Variants in TPTE2 observed in about 807,000 individuals in gnomAD.
TPTE2 encodes the protein transmembrane phosphoinositide 3-phosphatase and tensin homolog 2.
A neutral mutation model predicts 78.6 loss-of-function variants in TPTE2; 53 were observed. That is an observed-to-expected ratio of 0.67 (90% CI 0.54 to 0.85). The LOEUF (loss-of-function observed/expected upper bound fraction) is 0.85. Ranked by LOEUF, TPTE2 falls within the 40% of genes least tolerant of loss-of-function variation. The pLI is 0.00. For synonymous variants in TPTE2, 175 were observed against 206.2 expected, an observed-to-expected ratio of 0.85 and a Z score of 1.30; for missense variants, 461 against 623.0, an observed-to-expected ratio of 0.74 and a Z score of 2.77.
chr13:19,431,362 A>T (rs1876588915), intron 16 of TPTE2, among the ~76,000 whole-genome samples: 1 of 152,070 alleles, frequency 6.6e-6, no homozygotes, highest in South Asian at 2.1e-4. Context: ...TTTACAGACA[A>T]AGGCTCTTCT....
At chr13:19,473,785 G>T in intron 6 of TPTE2, 129 bp downstream of exon 9, 2 of 762,584 alleles carry the variant, frequency 2.6e-6, no homozygotes, top group African/African-American at 1.9e-5. Context: ...TAATAGAGAC[G>T]GGGTTTCACC....
At chr13:19,441,352 C>T (rs1425679894) in intron 13 of TPTE2, among the ~76,000 whole-genome samples, 4 of 151,804 alleles carry the variant, frequency 2.6e-5, no homozygotes, top group Non-Finnish European at 4.4e-5. Context: ...TCACTCACAC[C>T]CCAAACCTCA....
chr13:19,476,776 T>G (rs1026982433), intron 4 of TPTE2, among the ~76,000 whole-genome samples: 8 of 152,102 alleles, frequency 5.3e-5, no homozygotes, highest in Non-Finnish European at 1.5e-5. Context: ...GGAGTGTAAA[T>G]TAGTTCAACC....
intron 1 of TPTE2, among the ~76,000 whole-genome samples, chr13:19,496,968 G>A (rs1427921421): frequency 2.0e-5 from 3 of 152,198 alleles, no homozygotes; most frequent in Admixed American, 6.5e-5. Flanking sequence ...GAAGCAGGGC[G>A]AGGCATTGCC....
chr13:19,428,557 A>G (rs1876318682), intron 17 of TPTE2, among the ~76,000 whole-genome samples: 1 of 152,118 alleles, frequency 6.6e-6, no homozygotes. Context: ...TGAGGTGGAC[A>G]GGCTGCTTGA....
intron 13 of TPTE2, among the ~76,000 whole-genome samples, chr13:19,438,888 G>T (rs1285991649): frequency 9.9e-5 from 15 of 152,110 alleles, no homozygotes; most frequent in Admixed American, 8.5e-4. Flanking sequence ...GAAGCCTCAG[G>T]GTGTGAGAGA....
intron 1 of TPTE2, among the ~76,000 whole-genome samples, chr13:19,494,379 TTG>T (rs1411550345): frequency 6.6e-6 from 1 of 152,082 alleles, no homozygotes; most frequent in Admixed American, 6.6e-5. Flanking sequence ...TGTCACTGTT[TTG>T]TGTGTGTGTG....
chr13:19,539,783 T>C (rs1871385976), upstream of TPTE2, among the ~76,000 whole-genome samples: 1 of 152,210 alleles, frequency 6.6e-6, no homozygotes, highest in Non-Finnish European at 1.5e-5. Context: ...TCAAGAGTAT[T>C]TTGGCTCTTC....
intron 1 of TPTE2, among the ~76,000 whole-genome samples, chr13:19,515,706 A>C (rs1869749741): frequency 6.6e-6 from 1 of 152,242 alleles, no homozygotes; most frequent in Non-Finnish European, 1.5e-5. Flanking sequence ...TTGTTTATGA[A>C]GAATACATGA....
Position 19,498,990 on chromosome 13 carries a change from G to A in TPTE2, c.11+4234C>T, listed in dbSNP as rs553474330. On this transcript the variant is annotated intron_variant, in intron 1 of 19. Transcript: ENST00000400230. ...AAATGGAAAACAAAAAAAGGCAGGG[G>A]TTGCAATACTAGTCTCTGATAAAAC... Among the ~76,000 whole-genome samples, 567 of 152,044 alleles carry A rather than the reference G, an allele frequency of 3.7e-3. 1 individual carries two copies. The highest frequency in any genetic ancestry group is 6.1e-3 in the Non-Finnish European group (412 of 67,986).
At chr13:19,517,784 G>C (rs1170107933) in intron 1 of TPTE2, among the ~76,000 whole-genome samples, 2 of 152,116 alleles carry the variant, frequency 1.3e-5, no homozygotes, top group African/African-American at 4.8e-5. Context: ...CTTGGCCCAA[G>C]ACTGCAGAGA....
At chr13:19,520,485 TG>T (rs1198240011) in intron 1 of TPTE2, among the ~76,000 whole-genome samples, 2 of 152,008 alleles carry the variant, frequency 1.3e-5, no homozygotes, top group African/African-American at 4.8e-5. Flanking sequence ...ACCACATTTT[TG>T]AGTTCTTTTC....
rs141989538 is a variant in TPTE2 at position 19,496,018 on chromosome 13, G to A, written c.12-2517C>T. On this transcript the variant is annotated intron_variant, in intron 1 of 19. Transcript: ENST00000400230. ...CAACTAGCAGGGACTACAGGTGCCCGCCACCACACCCAGCTAATTTTGTAT... is the reference window on the plus strand; with the variant it reads ...CAACTAGCAGGGACTACAGGTGCCCACCACCACACCCAGCTAATTTTGTAT... Among the ~76,000 whole-genome samples the A allele has an allele frequency of 5.2e-3, 794 of 152,106 alleles. 2 individuals are homozygous for A. The highest frequency in any genetic ancestry group is 0.018 in the African/African-American group (762 of 41,500).
At chr13:19,543,882 G>C in the TPTE2 span, among the ~76,000 whole-genome samples, 1 of 151,376 alleles carries the variant, frequency 6.6e-6, no homozygotes, top group Non-Finnish European at 1.5e-5. Flanking sequence ...GGGCAATATG[G>C]CGAAACCCTG....
At chr13:19,539,626 CA>C (rs1871381446), upstream of TPTE2, among the ~76,000 whole-genome samples, 1 of 152,132 alleles carries the variant, frequency 6.6e-6, no homozygotes, top group Non-Finnish European at 1.5e-5. Context: ...GTCAAATTTC[CA>C]TATACTAATA....
intron 6 of TPTE2, among the ~76,000 whole-genome samples, chr13:19,469,933 T>C (rs1184709917): frequency 3.3e-5 from 5 of 152,228 alleles, no homozygotes; most frequent in Admixed American, 3.3e-4. Context: ...GAGTCTTTAG[T>C]ATTTTCCAAA....
At chr13:19,457,966 G>C (rs1220162213) in intron 10 of TPTE2, among the ~76,000 whole-genome samples, 2 of 151,920 alleles carry the variant, frequency 1.3e-5, no homozygotes, top group Admixed American at 1.3e-4. Flanking sequence ...ACAAAATACA[G>C]GTGCATCTTG....
At chr13:19,494,130 G>A (rs1033639153) in intron 1 of TPTE2, among the ~76,000 whole-genome samples, 3 of 152,218 alleles carry the variant, frequency 2.0e-5, no homozygotes, top group African/African-American at 7.2e-5. Flanking sequence ...ACTCTGCTAT[G>A]TCTGGTACAC....
At chr13:19,450,671 C>T (rs895107544) in intron 11 of TPTE2, among the ~76,000 whole-genome samples, 1 of 152,084 alleles carries the variant, frequency 6.6e-6, no homozygotes, top group African/African-American at 2.4e-5. Context: ...TGTTTGCCCC[C>T]TGAAAATGTC....
Sources: gnomAD v4.1 joint callset for allele counts (sites outside exome capture counted in the v4.1 genomes callset) on GRCh38, gnomAD v4.1.1 for gene constraint, MANE v1.5 for transcripts, NCBI Gene and HGNC (gene_info 2026-07-23, HGNC 2026-07-21) for gene names.